RIMS1: variants seen among roughly 807,000 people sequenced by gnomAD.
RIMS1 encodes the protein regulating synaptic membrane exocytosis 1, also known as regulating synaptic membrane exocytosis protein 1.
In RIMS1, 83 loss-of-function variants were observed where a neutral mutation model predicts 214.1. The ratio of observed to expected loss-of-function variants is 0.39; its 90% CI spans 0.32 to 0.47. The LOEUF (loss-of-function observed/expected upper bound fraction) is 0.47. RIMS1 is among the 20% of genes least tolerant of loss of function. RIMS1 has a pLI of 0.99. For synonymous variants in RIMS1, 793 were observed against 786.8 expected, an observed-to-expected ratio of 1.01 and a Z score of -0.13; for missense variants, 2,050 against 2,161.8, an observed-to-expected ratio of 0.95 and a Z score of 1.03.
chr6:72,293,303 T>A (rs1311822580), intron 26 of RIMS1, among the ~76,000 whole-genome samples: 2 of 152,038 alleles, frequency 1.3e-5, no homozygotes, highest in East Asian at 3.8e-4. Flanking sequence ...TCTGACTTTC[T>A]TTTTTAAAAT....
chr6:71,953,236 G>A (rs747343414), intron 1 of RIMS1, among the ~76,000 whole-genome samples: 2 of 151,970 alleles, frequency 1.3e-5, no homozygotes, highest in African/African-American at 4.8e-5. Context: ...CCATCCACCC[G>A]CGTTAACTTC....
intron 4 of RIMS1, among the ~76,000 whole-genome samples, chr6:72,128,351 C>T (rs1447561224): frequency 6.6e-6 from 1 of 152,078 alleles, no homozygotes; most frequent in Non-Finnish European, 1.5e-5. Context: ...GGAAAACTGT[C>T]TCTTCCTCTC....
intron 28 of RIMS1, among the ~76,000 whole-genome samples, chr6:72,325,651 T>A (rs2154327405): frequency 6.6e-6 from 1 of 151,880 alleles, no homozygotes; most frequent in Non-Finnish European, 1.5e-5. Flanking sequence ...AGGAATAAAC[T>A]AACAAAATGT....
intron 5 of RIMS1, among the ~76,000 whole-genome samples, chr6:72,181,096 A>C (rs1771188339): frequency 6.6e-6 from 1 of 152,206 alleles, no homozygotes; most frequent in Non-Finnish European, 1.5e-5. Context: ...TTTCTGACAA[A>C]TCCTAGGGAA....
chr6:72,056,578 G>A (rs529220500), intron 2 of RIMS1, among the ~76,000 whole-genome samples: 1 of 152,144 alleles, frequency 6.6e-6, no homozygotes, highest in South Asian at 2.1e-4. Context: ...TTCATATTTT[G>A]ACTTCAGTAT....
chr6:72,250,017 A>G (rs1267970911), intron 12 of RIMS1, among the ~76,000 whole-genome samples: 3 of 152,126 alleles, frequency 2.0e-5, no homozygotes, highest in Admixed American at 2.0e-4. Flanking sequence ...GAACAATAAT[A>G]ATGATTTTAT....
chr6:72,039,325 G>A (rs1490283278), intron 2 of RIMS1, among the ~76,000 whole-genome samples: 1 of 152,064 alleles, frequency 6.6e-6, no homozygotes, highest in Non-Finnish European at 1.5e-5. Context: ...AAAATATGAG[G>A]CATATTTCTC....
intron 9 of RIMS1, among the ~76,000 whole-genome samples, chr6:72,241,835 G>A (rs1238039330): frequency 6.6e-6 from 1 of 152,060 alleles, no homozygotes; most frequent in Non-Finnish European, 1.5e-5. Context: ...ACTTGTAATT[G>A]GGAAATTCAT....
At chr6:72,106,401 A>G (rs746172117) in intron 4 of RIMS1, among the ~76,000 whole-genome samples, 51 of 152,222 alleles carry the variant, frequency 3.4e-4, no homozygotes, top group Non-Finnish European at 6.6e-4. Context: ...TGACTCTTCA[A>G]CTACTTCTAT....
intron 4 of RIMS1, among the ~76,000 whole-genome samples, chr6:72,172,195 G>A (rs569722553): frequency 5.3e-5 from 8 of 151,926 alleles, no homozygotes; most frequent in Non-Finnish European, 8.8e-5. Flanking sequence ...TTACCTTAAC[G>A]GTACAACTTA....
In RIMS1 at chr6:71,951,197, A is replaced by G. The variant is rs535478861; in HGVS notation, c.165-17786A>G. ...GGACTGTTCAGATTATGTTTCCTTT[A>G]GTGGATGGATAACATGGTAAATGAA... On this transcript the variant is annotated intron_variant, in intron 1 of 33. Transcript: ENST00000521978. 2.0e-5 allele frequency among the ~76,000 whole-genome samples: 3 copies of G among 152,226 alleles called. No homozygotes were observed. The East Asian group carries it at 5.8e-4, about 29-fold the overall frequency.
chr6:72,290,218 T>G (rs542442013), intron 24 of RIMS1, among the ~76,000 whole-genome samples: 233 of 152,306 alleles, frequency 1.5e-3, no homozygotes, highest in Non-Finnish European at 2.4e-3. Flanking sequence ...TTATGAACAT[T>G]GTAAAAATAT....
intron 1 of RIMS1, among the ~76,000 whole-genome samples, chr6:71,953,983 T>C (rs187319015): frequency 5.9e-4 from 90 of 152,304 alleles, no homozygotes; most frequent in Non-Finnish European, 5.4e-4. Context: ...TAGAACATAG[T>C]GATGGACAAC....
intron 2 of RIMS1, among the ~76,000 whole-genome samples, chr6:72,096,000 T>C (rs2031499160): frequency 6.6e-6 from 1 of 152,224 alleles, no homozygotes; most frequent in Non-Finnish European, 1.5e-5. Context: ...ATTCACTGGA[T>C]GTTCTTGTGT....
chr6:71,973,818 G>A (rs1345660100), intron 2 of RIMS1, among the ~76,000 whole-genome samples: 2 of 152,192 alleles, frequency 1.3e-5, no homozygotes, highest in East Asian at 1.9e-4. Context: ...AGAAATACAC[G>A]TGCAACTAGC....
chr6:72,085,459 T>G (rs1834426366), intron 2 of RIMS1, among the ~76,000 whole-genome samples: 1 of 152,158 alleles, frequency 6.6e-6, no homozygotes, highest in East Asian at 1.9e-4. Context: ...GTTAAATATG[T>G]GTATATAACA....
In RIMS1 at chr6:72,161,957, CTTG is replaced by C. The variant is rs1438425853; in HGVS notation, c.472-17614_472-17612del. Among the ~76,000 whole-genome samples the C allele has an allele frequency of 1.4e-5, 2 of 140,674 alleles. 1 individual carries two copies. Among genetic ancestry groups the C allele is most frequent in the Non-Finnish European group, 3.2e-5 (2 of 61,956 alleles). 92.3% of individuals were successfully genotyped at this position (140,674 alleles called of 152,430 possible). ...CTGGATATCCTTGTTAACTTTCTGT[CTTG>C]TTGACCTGTCAATTGTTGATAGTGG... On this transcript the variant is annotated intron_variant, in intron 4 of 33. Transcript: ENST00000521978.
chr6:72,274,149 A>C (rs184422311), intron 22 of RIMS1, among the ~76,000 whole-genome samples, 200 bp from the exon 23 acceptor site: 33 of 152,228 alleles, frequency 2.2e-4, no homozygotes, highest in Admixed American at 6.5e-4. Flanking sequence ...TTCACTTATA[A>C]GATTATAGGT....
intron 1 of RIMS1, among the ~76,000 whole-genome samples, chr6:71,915,662 C>T (rs1393190881): frequency 1.3e-5 from 2 of 152,112 alleles, no homozygotes; most frequent in Non-Finnish European, 1.5e-5. Context: ...TGGAGGATTA[C>T]ATGAGTTAGT....
Sources: allele counts gnomAD v4.1 joint callset (sites outside exome capture counted in the v4.1 genomes callset), GRCh38; gene constraint gnomAD v4.1.1; transcripts MANE v1.5; gene names NCBI Gene and HGNC (gene_info 2026-07-23, HGNC 2026-07-21).